Variants in TTC7B observed in about 807,000 individuals in gnomAD.
The protein encoded by TTC7B is tetratricopeptide repeat domain 7B, also known as tetratricopeptide repeat protein 7B.
A neutral mutation model predicts 106.8 loss-of-function variants in TTC7B; 28 were observed. The ratio of observed to expected loss-of-function variants is 0.26; its 90% CI spans 0.19 to 0.36. The LOEUF (loss-of-function observed/expected upper bound fraction) is 0.36. Ranked by LOEUF, TTC7B falls within the 10% of genes least tolerant of loss-of-function variation. The pLI, the probability that TTC7B is intolerant of heterozygous loss-of-function variation, is 1.00. For synonymous variants in TTC7B, 405 were observed against 430.6 expected (o/e 0.94, Z 0.74); for missense variants, 862 against 1,076.4 (o/e 0.80, Z 2.79).
chr14:90,790,552 C>T lies in TTC7B; in HGVS notation c.122-4224G>A, dbSNP rs1159526476. Among the ~76,000 whole-genome samples the T allele has an allele frequency of 5.9e-5, 9 of 152,106 alleles. No individual in the cohort carries two copies. The East Asian group carries it at 1.7e-3, about 29-fold the overall frequency. ...AGCAATTCCAAGAAAGCACCTCTTT[C>T]GGCCTGAGCGGAGGACTCCTCTCTC... On this transcript the variant is annotated intron_variant, in intron 1 of 19. Coordinates refer to ENST00000328459, the MANE Select transcript of TTC7B (RefSeq NM_001010854.2).
intron 13 of TTC7B, chr14:90,648,560 C>T (rs1791205568): frequency 6.6e-6 from 1 of 152,080 alleles, no homozygotes; most frequent in African/African-American, 2.4e-5. Flanking sequence ...ACATGCTATC[C>T]AGGCTAGTCT....
At chr14:90,682,524 T>C (rs1887092859) in intron 7 of TTC7B, among the ~76,000 whole-genome samples, 1 of 152,200 alleles carries the variant, frequency 6.6e-6, no homozygotes, top group African/African-American at 2.4e-5. Context: ...CCTTCCCTCT[T>C]GTTTGCTCAG....
intron 1 of TTC7B, among the ~76,000 whole-genome samples, chr14:90,801,742 G>C (rs2030280923): frequency 6.6e-6 from 1 of 152,152 alleles, no homozygotes; most frequent in African/African-American, 2.4e-5. Flanking sequence ...TCTGGAAAGA[G>C]GGGTATTTGA....
At position 90,663,265 on chromosome 14, in the gene TTC7B, C is replaced by T. The variant is rs1433201632; in HGVS notation, c.1153-4878G>A. 1.3e-5 allele frequency among the ~76,000 whole-genome samples: 2 copies of T among 152,108 alleles called. No homozygotes were observed. Among genetic ancestry groups the T allele is most frequent in the South Asian group, 2.1e-4 (1 of 4,814 alleles). On this transcript the variant is annotated intron_variant, in intron 9 of 19. Transcript: ENST00000328459. This position sits in a 1 kb window ranked among gnomAD's most constrained non-coding sequence, Gnocchi z 4.5. ...GTGGTGGAGCCAGCTGGGAGTGAAG[C>T]GGTCTGCTTCCAGAGACTGAGCTCT...
At chr14:90,637,363 A>C (rs1884988757) in intron 15 of TTC7B, among the ~76,000 whole-genome samples, 1 of 150,002 alleles carries the variant, frequency 6.7e-6, no homozygotes, top group Non-Finnish European at 1.5e-5. Context: ...ATAGACTATA[A>C]TTATTTTTAA....
chr14:90,813,883 G>A (rs560400332), intron 1 of TTC7B, among the ~76,000 whole-genome samples: 4 of 152,322 alleles, frequency 2.6e-5, no homozygotes, highest in Non-Finnish European at 4.4e-5. Context: ...ACCAGCCCGA[G>A]AGTGGGAAGG....
At chr14:90,809,388 C>A (rs552079801) in intron 1 of TTC7B, among the ~76,000 whole-genome samples, 21 of 152,350 alleles carry the variant, frequency 1.4e-4, no homozygotes, top group African/African-American at 4.3e-4. Context: ...TCTACTGGGG[C>A]CAGGGCCCCT....
At chr14:90,700,885 G>C (rs1887956780) in intron 5 of TTC7B, among the ~76,000 whole-genome samples, 3 of 151,592 alleles carry the variant, frequency 2.0e-5, no homozygotes, top group Admixed American at 2.0e-4. Flanking sequence ...CAGATACCCA[G>C]ATCTGGAAAG....
chr14:90,610,673 T>C (rs1892832946), intron 17 of TTC7B, 69 bp downstream of exon 17: 4 of 1,138,564 alleles, frequency 3.5e-6, no homozygotes, highest in African/African-American at 3.1e-5. Context: ...TCTCATCCCA[T>C]GTCACTTGGT....
rs1427888952 is a variant in TTC7B, at chr14:90,541,344, C to T, written c.*24G>A. ...GGCAGGGCCTCTGAGGCCTGAGCGGCAGGTGAGGCTGGCAGGCGCCTGCTC... is the reference window on the plus strand; with the variant it reads ...GGCAGGGCCTCTGAGGCCTGAGCGGTAGGTGAGGCTGGCAGGCGCCTGCTC... On this transcript the variant is annotated 3_prime_UTR_variant, in exon 20 of 20. Coordinates refer to ENST00000328459, the MANE Select transcript of TTC7B (RefSeq NM_001010854.2). 2.5e-6 allele frequency: 4 copies of T among 1,576,920 alleles called. No individual in the cohort carries two copies. The highest frequency in any genetic ancestry group is 3.5e-6 in the Non-Finnish European group (4 of 1,158,560).
At chr14:90,590,931 A>G (rs1026500708) in intron 18 of TTC7B, among the ~76,000 whole-genome samples, 1 of 152,152 alleles carries the variant, frequency 6.6e-6, no homozygotes, top group African/African-American at 2.4e-5. Context: ...GTTCAATTCC[A>G]CCACCTTCTA....
chr14:90,776,959 G>A (rs190232144), intron 3 of TTC7B, among the ~76,000 whole-genome samples: 13 of 152,232 alleles, frequency 8.5e-5, no homozygotes, highest in Non-Finnish European at 1.9e-4. Context: ...ATGAAGGCTG[G>A]GCATGGTGGC....
chr14:90,695,075 A>ATATATTTT (rs1225362282), intron 6 of TTC7B, among the ~76,000 whole-genome samples: 123 of 45,370 alleles, frequency 2.7e-3, no homozygotes, highest in African/African-American at 9.5e-3. Context: ...TATAAAATAT[A>ATATATTTT]TTTTATTTTA....
chr14:90,706,938 C>T (rs1888235812), intron 5 of TTC7B, among the ~76,000 whole-genome samples: 1 of 152,218 alleles, frequency 6.6e-6, no homozygotes. Context: ...CATACACACA[C>T]ATACATAGAC....
chr14:90,610,778 T>A lies in TTC7B; in HGVS notation c.1930A>T (p.Thr644Ser), dbSNP rs1892840472. ...TCGCTGAAGTCTGGCAAAGTAATTGTATTAAGCTGTCGTCTGTCAGCAATG... is the reference window on the plus strand; with the variant it reads ...TCGCTGAAGTCTGGCAAAGTAATTGAATTAAGCTGTCGTCTGTCAGCAATG... ...RTIADRRQLNTITLPDFSDPE... is the reference protein window; with the variant it reads ...RTIADRRQLNSITLPDFSDPE... Residue 644 changes from threonine to serine, a missense_variant, in exon 17 of 20, where the codon ACA (threonine) becomes TCA (serine). By Grantham distance (58) the Thr-to-Ser change is moderately conservative. Coordinates refer to ENST00000328459, the MANE Select transcript of TTC7B (RefSeq NM_001010854.2). 1 of 1,614,092 alleles carries A rather than the reference T, an allele frequency of 6.2e-7. No individual in the cohort carries two copies.
chr14:90,651,882 A>G (rs990247029), intron 13 of TTC7B, among the ~76,000 whole-genome samples: 1 of 152,240 alleles, frequency 6.6e-6, no homozygotes, highest in Non-Finnish European at 1.5e-5. Context: ...CTAAGGAAAG[A>G]GTCTAACGAA....
rs759359057 is a variant in TTC7B at position 90,644,149 on chromosome 14, G to A, written c.1650C>T (p.Asn550=). 1.2e-6 allele frequency: 2 copies of A among 1,613,808 alleles called. No individual in the cohort carries two copies. The highest frequency in any genetic ancestry group is 1.1e-5 in the South Asian group (1 of 91,052). The stretch of plus-strand genomic sequence containing the variant: ...GCAGGAGGGCAAGGAGGTGCAGGGA[G>A]TTGGCATCGTCACCTTGAAGCTGAA... ...QALQLQGDDA[N]SLHLLALLLS... Residue 550 remains asparagine, a synonymous_variant, in exon 15 of 20, where the codon AAC becomes AAT. Coordinates refer to ENST00000328459, the MANE Select transcript of TTC7B (RefSeq NM_001010854.2).
intron 1 of TTC7B, among the ~76,000 whole-genome samples, chr14:90,790,331 GTA>G (rs1891542582): frequency 6.6e-6 from 1 of 151,428 alleles, no homozygotes; most frequent in Non-Finnish European, 1.5e-5. Flanking sequence ...AAAACTGGAA[GTA>G]TATATACCAG....
intron 18 of TTC7B, among the ~76,000 whole-genome samples, chr14:90,589,954 T>C (rs1286187344): frequency 6.6e-6 from 1 of 152,142 alleles, no homozygotes; most frequent in African/African-American, 2.4e-5. Flanking sequence ...TGACAAAGTA[T>C]AAGTCACCTT....
Sources: allele counts gnomAD v4.1 joint callset (sites outside exome capture counted in the v4.1 genomes callset), GRCh38; gene constraint gnomAD v4.1.1; non-coding constraint Gnocchi (gnomAD v3.1); transcripts MANE v1.5; gene names NCBI Gene and HGNC (gene_info 2026-07-23, HGNC 2026-07-21).